The following BPI variants were observed in gnomAD, a reference collection of about 807,000 sequenced individuals.
The protein encoded by BPI is bactericidal permeability-increasing protein.
BPI carries 48 observed loss-of-function variants against 57.6 expected under a neutral mutation model. The ratio of observed to expected loss-of-function variants is 0.83; its 90% CI spans 0.66 to 1.06. The LOEUF is 1.06. Among genes scored for constraint, BPI ranks in the 50% least tolerant of loss-of-function variants. The pLI, the probability that BPI is intolerant of heterozygous loss-of-function variation, is 0.00. For synonymous variants in BPI, 237 were observed against 238.2 expected, an observed-to-expected ratio of 0.99 and a Z score of 0.05; for missense variants, 651 against 609.7, an observed-to-expected ratio of 1.07 and a Z score of -0.71.
chr20:38,309,087 G>A (rs2076610180), intron 3 of BPI, 29 bp downstream of exon 3: 2 of 1,613,518 alleles, frequency 1.2e-6, no homozygotes, highest in Non-Finnish European at 1.7e-6. Context: ...GGTTTGTTGG[G>A]TGTGCTCTTG....
In BPI at chr20:38,326,387, C is replaced by G; in HGVS notation, c.1116C>G (p.Ala372=). 6.2e-7 allele frequency: 1 copy of G among 1,614,140 alleles called. No individual in the cohort carries two copies. Among genetic ancestry groups the G allele is most frequent in the Non-Finnish European group, 8.5e-7 (1 of 1,180,000 alleles). Residue 372 remains alanine, a synonymous_variant, in exon 10 of 15, where the codon GCC becomes GCG. Coordinates refer to ENST00000642449, the MANE Select transcript of BPI (RefSeq NM_001725.3). Reference sequence around the variant, plus strand: ...CTGCCGTGGATGTCCAGGCCTTTGCCGTCCTCCCCAACTCCTCCCTGGCTT... The same window carrying G: ...CTGCCGTGGATGTCCAGGCCTTTGCGGTCCTCCCCAACTCCTCCCTGGCTT... The part of the protein sequence containing the change: ...FYPAVDVQAF[A]VLPNSSLASL...
chr20:38,325,805 A>C (rs749196045), intron 9 of BPI, among the ~76,000 whole-genome samples: 2 of 151,938 alleles, frequency 1.3e-5, no homozygotes, highest in Non-Finnish European at 2.9e-5. Context: ...CATTATTTTT[A>C]CTCAGACTGT....
At chr20:38,325,525 T>G (rs1037710100) in intron 9 of BPI, among the ~76,000 whole-genome samples, 4 of 152,174 alleles carry the variant, frequency 2.6e-5, no homozygotes, top group African/African-American at 9.7e-5. Flanking sequence ...TCTTTTCTTA[T>G]AAGGACACTA....
chr20:38,309,123 T>G, intron 3 of BPI, 65 bp downstream of exon 3: 4 of 1,604,316 alleles, frequency 2.5e-6, no homozygotes, highest in Non-Finnish European at 3.4e-6. Flanking sequence ...GATTAGAGAG[T>G]CAGCGTCTCT....
intron 7 of BPI, 124 bp from the exon 8 acceptor site, chr20:38,323,746 T>A: frequency 9.2e-7 from 1 of 1,089,424 alleles, no homozygotes; most frequent in Non-Finnish European, 1.3e-6. Context: ...TGTTAGTTTC[T>A]GGTCATTGCT....
chr20:38,306,548 C>T (rs573807686), intron 1 of BPI, among the ~76,000 whole-genome samples: 196 of 152,252 alleles, frequency 1.3e-3, no homozygotes, highest in African/African-American at 4.6e-3. Context: ...TAACACAGGG[C>T]GTTGCTCTGA....
intron 6 of BPI, 48 bp downstream of exon 6, chr20:38,318,524 G>C: frequency 3.1e-6 from 5 of 1,589,480 alleles, no homozygotes; most frequent in Non-Finnish European, 3.5e-6. Flanking sequence ...GAAATGGGAG[G>C]GGGTGAGGAC....
intron 5 of BPI, among the ~76,000 whole-genome samples, chr20:38,314,204 G>A (rs536410420): frequency 5.2e-4 from 51 of 97,370 alleles, no homozygotes; most frequent in African/African-American, 1.7e-3. Context: ...TGGTGATGGT[G>A]GGGATGATGA....
At position 38,321,141 on chromosome 20, in the gene BPI, GTGGATGGATGGATGGATGGA is replaced by G. The variant is rs368875561; in HGVS notation, c.756+893_756+912del. Among the ~76,000 whole-genome samples the G allele has an allele frequency of 3.4e-3, 269 of 79,892 alleles. 2 individuals carry two copies. Among genetic ancestry groups the G allele is most frequent in the African/African-American group, 0.015 (250 of 16,948 alleles). The allele number at this position is 79,892 out of a possible 152,430, so 52.4% of individuals were successfully genotyped here. A position where few individuals can be genotyped will look rare whatever the true frequency, so the allele number is the denominator to read the frequency against. On this transcript the variant is annotated intron_variant, in intron 7 of 14. Transcript: ENST00000642449. ...GGTGGATGGGTGGGTGGGTGTATTGGTGGATGGATGGATGGATGGATGGATGGATGGATGGATGGATGGAT... is the reference window on the plus strand; with the variant it reads ...GGTGGATGGGTGGGTGGGTGTATTGGTGGATGGATGGATGGATGGATGGAT...
intron 1 of BPI, among the ~76,000 whole-genome samples, chr20:38,307,216 A>G (rs2076600955): frequency 6.6e-6 from 1 of 152,170 alleles, no homozygotes; most frequent in African/African-American, 2.4e-5. Context: ...CAACAAAAGA[A>G]GAAAAATACT....
intron 2 of BPI, 62 bp downstream of exon 2, chr20:38,307,743 G>A (rs2076603822): frequency 1.5e-6 from 2 of 1,339,642 alleles, no homozygotes; most frequent in African/African-American, 1.5e-5. Context: ...GGGACACCAA[G>A]AGCTAGAATG....
rs1422495374 is a variant in BPI at position 38,323,997 on chromosome 20, T to C, written c.884T>C (p.Leu295Pro). Residue 295 changes from leucine to proline, a missense_variant, in exon 8 of 15, where the codon CTT (leucine) becomes CCT (proline). By Grantham distance (98) the Leu-to-Pro change is moderately conservative. Coordinates refer to ENST00000642449, the MANE Select transcript of BPI (RefSeq NM_001725.3). The part of the protein sequence containing the change: ...LSDYFFNTAG[L>P]VYQEAGVLKM... Reference sequence around the variant, plus strand: ...GACTACTTCTTCAACACAGCCGGGCTTGTATACCAAGAGGCTGGGGTCTTG... The same window carrying C: ...GACTACTTCTTCAACACAGCCGGGCCTGTATACCAAGAGGCTGGGGTCTTG... 3.7e-6 allele frequency: 6 copies of C among 1,614,116 alleles called. No homozygotes were observed. Among genetic ancestry groups the C allele is most frequent in the Non-Finnish European group, 3.4e-6 (4 of 1,180,004 alleles).
At chr20:38,336,612 G>A (rs760204957) in intron 14 of BPI, among the ~76,000 whole-genome samples, 6 of 152,030 alleles carry the variant, frequency 3.9e-5, no homozygotes, top group Non-Finnish European at 8.8e-5. Context: ...CCAATGTCCA[G>A]GCCATCAATC....
chr20:38,319,977 A>C, intron 6 of BPI: 1 of 576,874 alleles, frequency 1.7e-6, no homozygotes, highest in Non-Finnish European at 3.1e-6. Context: ...TGTTGGAAGA[A>C]GAGAGTAAGG....
chr20:38,309,886 C>T lies in BPI; in HGVS notation c.375-605C>T, dbSNP rs972252049. Among the ~76,000 whole-genome samples, 5 of 152,124 alleles carry T rather than the reference C, an allele frequency of 3.3e-5. 1 individual carries two copies. The highest frequency in any genetic ancestry group is 4.1e-4 in the South Asian group (2 of 4,828). Reference sequence around the variant, plus strand: ...AAACCACCCTGGCGGATGAAAGGGGCGTGAGTCTGCCCGCCCTTACAAGAA... The same window carrying T: ...AAACCACCCTGGCGGATGAAAGGGGTGTGAGTCTGCCCGCCCTTACAAGAA... On this transcript the variant is annotated intron_variant, in intron 3 of 14. Transcript: ENST00000642449.
At chr20:38,316,784 G>A (rs1480749262) in intron 5 of BPI, among the ~76,000 whole-genome samples, 2 of 152,138 alleles carry the variant, frequency 1.3e-5, no homozygotes, top group Non-Finnish European at 2.9e-5. Context: ...GCTGTTCTTA[G>A]GGTCCTAACT....
chr20:38,323,775 C>G (rs1385414721), intron 7 of BPI, 95 bp from the exon 8 acceptor site: 1 of 1,366,182 alleles, frequency 7.3e-7, no homozygotes, highest in Non-Finnish European at 1.0e-6. Flanking sequence ...TGCAAGTGTA[C>G]AATTGGTGTC....
At chr20:38,322,362 A>G (rs970252666) in intron 7 of BPI, among the ~76,000 whole-genome samples, 1 of 152,262 alleles carries the variant, frequency 6.6e-6, no homozygotes, top group Admixed American at 6.5e-5. Context: ...TAAAACAATA[A>G]GTAATTATCC....
At chr20:38,324,091 G>C in intron 8 of BPI, 45 bp downstream of exon 8, 1 of 1,591,054 alleles carries the variant, frequency 6.3e-7, no homozygotes, top group East Asian at 2.2e-5. Flanking sequence ...ACTGGACCCA[G>C]AATCCTGCAG....
Sources: gnomAD v4.1 joint callset for allele counts (sites outside exome capture counted in the v4.1 genomes callset) on GRCh38, gnomAD v4.1.1 for gene constraint, MANE v1.5 for transcripts, NCBI Gene and HGNC (gene_info 2026-07-23, HGNC 2026-07-21) for gene names.